EHD4: variants seen among roughly 807,000 people sequenced by gnomAD.
The protein encoded by EHD4 is EH domain-containing protein 4.
Under a neutral mutation model 51.0 loss-of-function variants are expected in EHD4, and 37 were observed. That is an observed-to-expected ratio of 0.73 (90% CI 0.56 to 0.95). The LOEUF (loss-of-function observed/expected upper bound fraction) is 0.95. Among genes scored for constraint, EHD4 ranks in the 40% least tolerant of loss-of-function variants. The pLI, the probability that EHD4 is intolerant of heterozygous loss-of-function variation, is 0.00. For missense variants in EHD4, 632 were observed against 733.1 expected, an observed-to-expected ratio of 0.86 and a Z score of 1.59; for synonymous variants, 297 against 317.3, an observed-to-expected ratio of 0.94 and a Z score of 0.68.
intron 3 of EHD4, among the ~76,000 whole-genome samples, chr15:41,940,242 C>T (rs1023650014): frequency 1.1e-4 from 17 of 152,194 alleles, no homozygotes; most frequent in African/African-American, 2.2e-4. Flanking sequence ...GGCAAAGACC[C>T]GCCAATAAAG....
intron 1 of EHD4, among the ~76,000 whole-genome samples, chr15:41,960,065 T>C (rs111843013): frequency 2.8e-4 from 42 of 152,270 alleles, no homozygotes; most frequent in African/African-American, 7.9e-4. Flanking sequence ...TCCAAAGTCT[T>C]ACAAGATAGG....
At chr15:41,903,395 A>G (rs1405820323) in intron 5 of EHD4, among the ~76,000 whole-genome samples, 1 of 151,488 alleles carries the variant, frequency 6.6e-6, no homozygotes, top group African/African-American at 2.4e-5. Context: ...TAATCTCATC[A>G]TCTGGCAAAA....
intron 3 of EHD4, among the ~76,000 whole-genome samples, chr15:41,931,661 A>C (rs2067699107): frequency 6.6e-6 from 1 of 152,174 alleles, no homozygotes; most frequent in African/African-American, 2.4e-5. Context: ...AAGAACACTT[A>C]AAATCTACTC....
intron 3 of EHD4, among the ~76,000 whole-genome samples, chr15:41,933,999 C>T (rs550082574): frequency 6.6e-6 from 1 of 152,226 alleles, no homozygotes; most frequent in Non-Finnish European, 1.5e-5. Flanking sequence ...TGGAAGGAGG[C>T]TGGTTAGTCA....
Position 41,972,250 on chromosome 15 carries a change from T to G in EHD4, c.236+9A>C, listed in dbSNP as rs1217526482. ...GGGGCGGGAGCCGGGCGAGGGGCGG[T>G]GACGGTACCTGATGAAGGTGGTCTT... On this transcript the variant is annotated intron_variant, in intron 1 of 5. Coordinates refer to ENST00000220325, the MANE Select transcript of EHD4 (RefSeq NM_139265.4). 1.9e-6 allele frequency: 3 copies of G among 1,539,984 alleles called. No individual in the cohort carries two copies. The highest frequency in any genetic ancestry group is 1.8e-4 in the Middle Eastern group (1 of 5,486).
chr15:41,925,427 T>G (rs1028015754), intron 3 of EHD4, among the ~76,000 whole-genome samples: 1 of 152,208 alleles, frequency 6.6e-6, no homozygotes, highest in Non-Finnish European at 1.5e-5. Flanking sequence ...GAGAACTGGT[T>G]TCAGCTAGGC....
At chr15:41,971,742 CACAA>C (rs975631562) in intron 1 of EHD4, among the ~76,000 whole-genome samples, 6 of 152,206 alleles carry the variant, frequency 3.9e-5, no homozygotes, top group Non-Finnish European at 8.8e-5. Flanking sequence ...ATCCCCTCCC[CACAA>C]CACTGTGGGG....
At position 41,909,762 on chromosome 15, in the gene EHD4, G is replaced by A; in HGVS notation, c.1026C>T (p.Tyr342=). ...RELISRLPEI[Y]IQLQREYQIS... ...TCTGGTATTCTCGCTGTAGCTGAAT[G>A]TAGATTTCCGGTAGCCTGCTGATAA... Residue 342 remains tyrosine (Y), a synonymous_variant, in exon 5 of 6, where the codon TAC becomes TAT. Coordinates refer to ENST00000220325, the MANE Select transcript of EHD4 (RefSeq NM_139265.4). 6.2e-7 allele frequency: 1 copy of A among 1,614,206 alleles called. No homozygotes were observed. The highest frequency in any genetic ancestry group is 8.5e-7 in the Non-Finnish European group (1 of 1,180,044).
At chr15:41,938,638 G>A (rs189063387) in intron 3 of EHD4, among the ~76,000 whole-genome samples, 160 of 152,288 alleles carry the variant, frequency 1.1e-3, no homozygotes, top group African/African-American at 3.8e-3. Flanking sequence ...CGATCTGTTA[G>A]AAAATTTAGA....
chr15:41,972,320 C>T lies in EHD4; in HGVS notation c.175G>A (p.Glu59Lys), dbSNP rs546332029. 6 of 1,611,252 alleles carry T rather than the reference C, an allele frequency of 3.7e-6. No homozygotes were observed. Among genetic ancestry groups the T allele is most frequent in the Non-Finnish European group, 5.1e-6 (6 of 1,178,820 alleles). ...ACCAGCAGGATCATGGGCTTGTTCTCGAAGTCGGCGTCCTCCAGCGCAGGC... is the reference window on the plus strand; with the variant it reads ...ACCAGCAGGATCATGGGCTTGTTCTTGAAGTCGGCGTCCTCCAGCGCAGGC... ...HSPALEDADF[E>K]NKPMILLVGQ... Residue 59 changes from glutamate (E) to lysine (K), a missense_variant, in exon 1 of 6, where the codon GAG becomes AAG. Transcript: ENST00000220325.
chr15:41,940,346 G>A (rs988287117), intron 3 of EHD4, among the ~76,000 whole-genome samples: 1 of 152,262 alleles, frequency 6.6e-6, no homozygotes, highest in Non-Finnish European at 1.5e-5. Flanking sequence ...AGGTGGGGCT[G>A]TGGTCTTATG....
At chr15:41,939,326 G>C (rs2067751504) in intron 3 of EHD4, among the ~76,000 whole-genome samples, 1 of 152,124 alleles carries the variant, frequency 6.6e-6, no homozygotes. Flanking sequence ...TGCTTGATGG[G>C]AATTCAACAC....
Position 41,919,434 on chromosome 15 carries a change from G to A in EHD4, c.700C>T (p.Arg234Trp), listed in dbSNP as rs755252808. The change falls in exon 4 of 6, where the codon CGG becomes TGG. Residue 234 changes from arginine (R) to tryptophan (W), a missense_variant. By Grantham distance (101) the Arg-to-Trp change is moderately radical. Coordinates refer to ENST00000220325, the MANE Select transcript of EHD4 (RefSeq NM_139265.4). ...ADQVDTQQLM[R>W]VYGALMWSLG... The stretch of plus-strand genomic sequence containing the variant: ...GACCACATGAGGGCCCCGTAGACCC[G>A]CATCAGCTGCTGCGTGTCCACTTGG... The A allele has an allele frequency of 3.5e-5, 56 of 1,583,528 alleles. No homozygotes were observed. Among genetic ancestry groups the A allele is most frequent in the Non-Finnish European group, 1.1e-5 (13 of 1,163,628 alleles).
intron 3 of EHD4, chr15:41,928,428 C>T (rs2067677037): frequency 6.6e-6 from 1 of 152,176 alleles, no homozygotes; most frequent in East Asian, 1.9e-4. Flanking sequence ...CGGATTCAAA[C>T]CCAGGGACTC....
chr15:41,948,583 T>C (rs72726025), intron 2 of EHD4, among the ~76,000 whole-genome samples: 14,664 of 152,286 alleles, frequency 0.096, 852 homozygotes, highest in South Asian at 0.26. Flanking sequence ...ATTATTTTGC[T>C]GGTGAATCAA....
In EHD4 at chr15:41,898,492, T is replaced by C. The variant is rs1204894052; in HGVS notation, c.*2153A>G. ...ATCTGTAAACCTTTGGGCAAGTGAATTCCCTCTTCTCTCTCAGTTCACCCT... is the reference window on the plus strand; with the variant it reads ...ATCTGTAAACCTTTGGGCAAGTGAACTCCCTCTTCTCTCTCAGTTCACCCT... On this transcript the variant is annotated 3_prime_UTR_variant, in exon 6 of 6. Transcript: ENST00000220325. 2 of 152,238 alleles carry C rather than the reference T, an allele frequency of 1.3e-5. No homozygotes were observed. The highest frequency in any genetic ancestry group is 2.9e-5 in the Non-Finnish European group (2 of 68,040). The allele number at this position is 152,238 out of a possible 1,614,324, so 9.4% of individuals were successfully genotyped here. A position where few individuals can be genotyped will look rare whatever the true frequency, so the allele number is the denominator to read the frequency against.
At position 41,896,102 on chromosome 15, in the gene EHD4, T is replaced by C. The variant is rs1293872908; in HGVS notation, c.*4543A>G. On this transcript the variant is annotated 3_prime_UTR_variant, in exon 6 of 6. Transcript: ENST00000220325. ...TAGGTGTGAGCCACCATGCCTGGCT[T>C]ACACAGTATAAAGGGAATGCATTGG... The C allele has an allele frequency of 6.6e-6, 1 of 152,250 alleles. No homozygotes were observed. The highest frequency in any genetic ancestry group is 1.5e-5 in the Non-Finnish European group (1 of 68,090). 9.4% of individuals were successfully genotyped at this position (152,250 alleles called of 1,614,324 possible). A position where few individuals can be genotyped will look rare whatever the true frequency, so the allele number is the denominator to read the frequency against.
intron 2 of EHD4, among the ~76,000 whole-genome samples, chr15:41,946,024 A>C (rs1307636201): frequency 1.3e-5 from 2 of 152,214 alleles, no homozygotes; most frequent in East Asian, 3.9e-4. Context: ...ATGTGCACGG[A>C]AAGTGCTTTG....
rs530131452 is a variant in EHD4, at chr15:41,963,264, C to T, written c.236+8995G>A. Among the ~76,000 whole-genome samples, 29 of 146,574 alleles carry T rather than the reference C, an allele frequency of 2.0e-4. No homozygotes were observed. In the South Asian group the frequency reaches 4.9e-3, roughly 25 times the overall value. On this transcript the variant is annotated intron_variant, in intron 1 of 5. Coordinates refer to ENST00000220325, the MANE Select transcript of EHD4 (RefSeq NM_139265.4). ...CTATGACCCTGCCAAATCCCCCCCT[C>T]GGAGAAACACCCAAGAATGATCAAT...
Sources: allele counts gnomAD v4.1 joint callset (sites outside exome capture counted in the v4.1 genomes callset), GRCh38; gene constraint gnomAD v4.1.1; transcripts MANE v1.5; gene names NCBI Gene and HGNC (gene_info 2026-07-23, HGNC 2026-07-21).